The following CFH variants were observed in gnomAD, a reference collection of about 807,000 sequenced individuals.
CFH encodes the protein H factor 1 (complement).
In CFH, 53 loss-of-function variants were observed where a neutral mutation model predicts 147.3. The ratio of observed to expected loss-of-function variants is 0.36; its 90% CI spans 0.29 to 0.45. CFH has a LOEUF of 0.45. Ranked by LOEUF, CFH falls within the 20% of genes least tolerant of loss-of-function variation. The pLI is 1.00. For missense variants in CFH, 1,380 were observed against 1,498.0 expected, an observed-to-expected ratio of 0.92 and a Z score of 1.30; for synonymous variants, 536 against 489.4, an observed-to-expected ratio of 1.10 and a Z score of -1.26.
intron 9 of CFH, among the ~76,000 whole-genome samples, chr1:196,694,783 C>T (rs514943): frequency 0.69 from 105,212 of 152,120 alleles, 37,099 homozygotes; most frequent in East Asian, 0.95. Context: ...CATGTATTTG[C>T]TGACTGCATA....
intron 15 of CFH, among the ~76,000 whole-genome samples, chr1:196,734,337 G>A (rs770713803): frequency 8.6e-5 from 13 of 152,010 alleles, no homozygotes; most frequent in Non-Finnish European, 1.9e-4. Context: ...GGTGGAAGAA[G>A]AGTCAGGAGC....
At chr1:196,660,835 A>G (rs889212309) in intron 1 of CFH, among the ~76,000 whole-genome samples, 3 of 152,210 alleles carry the variant, frequency 2.0e-5, no homozygotes, top group African/African-American at 7.2e-5. Flanking sequence ...AAAGCAATGA[A>G]CTATATTTGG....
chr1:196,657,699 T>A (rs111555429), intron 1 of CFH, among the ~76,000 whole-genome samples: 1 of 152,238 alleles, frequency 6.6e-6, no homozygotes, highest in Non-Finnish European at 1.5e-5. Context: ...TCATTTGCTT[T>A]ATTTTTTTCC....
chr1:196,704,152 A>G (rs1573045294), intron 9 of CFH, among the ~76,000 whole-genome samples: 1 of 151,910 alleles, frequency 6.6e-6, no homozygotes, highest in African/African-American at 2.4e-5. Context: ...ATTGTGGCTC[A>G]CTGCAACCTC....
chr1:196,676,854 T>A (rs564092215), intron 4 of CFH: 10 of 152,192 alleles, frequency 6.6e-5, no homozygotes, highest in Admixed American at 1.3e-4. Flanking sequence ...AAAACTAAAA[T>A]CTTTGGTTAC....
chr1:196,704,085 T>A (rs1452170001), intron 9 of CFH, among the ~76,000 whole-genome samples: 1 of 151,954 alleles, frequency 6.6e-6, no homozygotes. Flanking sequence ...TGTTTTGTTT[T>A]GTTTTGTTTT....
At position 196,713,876 on chromosome 1, in the gene CFH, C is replaced by T. The variant is rs1061171; in HGVS notation, c.1478C>T (p.Thr493Ile). The T allele has an allele frequency of 6.2e-7, 1 of 1,612,736 alleles. No homozygotes were observed. Among genetic ancestry groups the T allele is most frequent in the Non-Finnish European group, 8.5e-7 (1 of 1,179,188 alleles). The change falls in exon 10 of 22, where the codon ACA (threonine) becomes ATA (isoleucine). Residue 493 changes from threonine (T) to isoleucine (I), a missense_variant. Physicochemically the swap from Thr to Ile is moderately conservative, Grantham distance 89. Transcript: ENST00000367429. Reference sequence around the variant, plus strand: ...GATGGTGAAACATCAGGATCAATTACATGTGGGAAAGATGGATGGTCAGCT... The same window carrying T: ...GATGGTGAAACATCAGGATCAATTATATGTGGGAAAGATGGATGGTCAGCT... ...TADGETSGSITCGKDGWSAQP... is the reference protein window; with the variant it reads ...TADGETSGSIICGKDGWSAQP...
chr1:196,707,142 A>G (rs1192035724), intron 9 of CFH, among the ~76,000 whole-genome samples: 2 of 152,114 alleles, frequency 1.3e-5, no homozygotes, highest in African/African-American at 2.4e-5. Flanking sequence ...AAAAAACTCA[A>G]AAGATAAATC....
At chr1:196,730,885 A>C (rs1175209076) in intron 15 of CFH, among the ~76,000 whole-genome samples, 1 of 151,808 alleles carries the variant, frequency 6.6e-6, no homozygotes, top group East Asian at 1.9e-4. Flanking sequence ...GTCTGAAATG[A>C]GTATAACTAC....
chr1:196,726,262 G>A (rs1669134489), intron 12 of CFH, among the ~76,000 whole-genome samples: 1 of 152,038 alleles, frequency 6.6e-6, no homozygotes, highest in Non-Finnish European at 1.5e-5. Flanking sequence ...AGAAGTCTGA[G>A]CATATTTTAA....
chr1:196,679,351 T>G (rs1163228538), intron 5 of CFH: 1 of 262,994 alleles, frequency 3.8e-6, no homozygotes, highest in African/African-American at 2.3e-5. Context: ...TGATCAATTT[T>G]ATTTATACAG....
At chr1:196,689,675 G>C in intron 8 of CFH, 61 bp downstream of exon 8, 1 of 1,558,996 alleles carries the variant, frequency 6.4e-7, no homozygotes, top group Non-Finnish European at 8.8e-7. Context: ...GAAGAAAGGA[G>C]AGCACATAAG....
chr1:196,692,669 C>CT (rs1309732945), intron 9 of CFH, among the ~76,000 whole-genome samples: 1 of 101,590 alleles, frequency 9.8e-6, no homozygotes, highest in African/African-American at 4.9e-5. Flanking sequence ...CCTTCTTTTT[C>CT]TTTTTTCTCT....
chr1:196,708,476 A>T (rs746852344), intron 9 of CFH, among the ~76,000 whole-genome samples: 4 of 152,186 alleles, frequency 2.6e-5, no homozygotes, highest in Non-Finnish European at 5.9e-5. Context: ...AGACAAACGC[A>T]GCTAGGAGAA....
intron 21 of CFH, among the ~76,000 whole-genome samples, chr1:196,746,847 C>T (rs1653026595): frequency 6.6e-6 from 1 of 152,180 alleles, no homozygotes; most frequent in African/African-American, 2.4e-5. Context: ...TTCTAAAACG[C>T]AGGGATCCTA....
intron 9 of CFH, among the ~76,000 whole-genome samples, chr1:196,702,540 CA>C (rs1668486128): frequency 5.3e-5 from 1 of 19,044 alleles, no homozygotes; most frequent in Non-Finnish European, 1.0e-4. Flanking sequence ...AAAAAAAAAA[CA>C]TCCAAAGCAT....
At chr1:196,653,375 T>C (rs376004509) in intron 1 of CFH, among the ~76,000 whole-genome samples, 1 of 151,850 alleles carries the variant, frequency 6.6e-6, no homozygotes, top group East Asian at 1.9e-4. Flanking sequence ...GAAACCTTTT[T>C]GTATTTACAA....
At chr1:196,687,971 CATA>C (rs35063447) in intron 7 of CFH, among the ~76,000 whole-genome samples, 2,185 of 151,818 alleles carry the variant, frequency 0.014, 53 homozygotes, top group African/African-American at 0.049. Flanking sequence ...TTATAATCCA[CATA>C]ATAAATGTAG....
At chr1:196,722,591 T>C (rs1669027307) in intron 11 of CFH, among the ~76,000 whole-genome samples, 1 of 152,158 alleles carries the variant, frequency 6.6e-6, no homozygotes, top group African/African-American at 2.4e-5. Context: ...CAATGCATCT[T>C]CCTGGTGTTA....
Sources: gnomAD v4.1 joint callset for allele counts (sites outside exome capture counted in the v4.1 genomes callset) on GRCh38, gnomAD v4.1.1 for gene constraint, MANE v1.5 for transcripts, NCBI Gene and HGNC (gene_info 2026-07-23, HGNC 2026-07-21) for gene names.